CTNNA3: variants seen among roughly 807,000 people sequenced by gnomAD.
CTNNA3 encodes the protein catenin alpha 3.
Under a neutral mutation model 95.7 loss-of-function variants are expected in CTNNA3, and 76 were observed. The ratio of observed to expected loss-of-function variants is 0.79; its 90% confidence interval spans 0.66 to 0.96. The LOEUF (loss-of-function observed/expected upper bound fraction) is 0.96, where lower values mean the gene tolerates loss of function less well. Among genes scored for constraint, CTNNA3 ranks in the 40% least tolerant of loss-of-function variants. CTNNA3 has a pLI of 0.00. For missense variants in CTNNA3, 1,191 were observed against 1,089.8 expected (o/e 1.09, Z -1.31); for synonymous variants, 431 against 374.4 (o/e 1.15, Z -1.74).
chr10:67,031,237 G>A (rs543741704), intron 7 of CTNNA3, among the ~76,000 whole-genome samples: 1 of 152,028 alleles, frequency 6.6e-6, no homozygotes, highest in Non-Finnish European at 1.5e-5. Flanking sequence ...ATTTGTCTAG[G>A]TCCTTTCCTA....
chr10:66,165,310 G>T (rs1360009739), intron 13 of CTNNA3, among the ~76,000 whole-genome samples: 1 of 152,024 alleles, frequency 6.6e-6, no homozygotes, highest in Non-Finnish European at 1.5e-5. Context: ...GAGTGAAGGG[G>T]GTGGAGGAAG....
intron 5 of CTNNA3, among the ~76,000 whole-genome samples, chr10:67,349,909 C>A (rs1842568979): frequency 6.6e-6 from 1 of 151,986 alleles, no homozygotes; most frequent in Non-Finnish European, 1.5e-5. Context: ...TAAGTGGGAA[C>A]CCCTACACAG....
chr10:66,513,542 G>A (rs1233924381), intron 11 of CTNNA3, among the ~76,000 whole-genome samples: 1 of 152,202 alleles, frequency 6.6e-6, no homozygotes, highest in East Asian at 1.9e-4. Flanking sequence ...AGGATCCTGG[G>A]TGGTACACAA....
chr10:67,221,196 T>G (rs1306000474), intron 5 of CTNNA3, among the ~76,000 whole-genome samples: 1 of 152,154 alleles, frequency 6.6e-6, no homozygotes, highest in African/African-American at 2.4e-5. Flanking sequence ...TAGTGGCAAA[T>G]GTAAGATACA....
intron 7 of CTNNA3, among the ~76,000 whole-genome samples, chr10:66,817,999 C>T (rs1049471495): frequency 6.6e-6 from 1 of 151,586 alleles, no homozygotes; most frequent in Non-Finnish European, 1.5e-5. Context: ...GAAACTCAAT[C>T]GATCCCATAA....
rs138572023 is a variant in CTNNA3, at chr10:67,197,220, C to T, written c.844-16700G>A. On this transcript the variant is annotated intron_variant, in intron 6 of 17. Transcript: ENST00000433211. ...ACATTTGAATAGTTCCTGTCATTTC[C>T]GAGGTTTATGTCAATTGTTATTCCT... Among the ~76,000 whole-genome samples the T allele has an allele frequency of 1.6e-3, 241 of 152,020 alleles. 3 individuals are homozygous for T. The highest frequency in any genetic ancestry group is 5.6e-3 in the African/African-American group (232 of 41,478).
At chr10:67,099,475 T>C (rs1375181118) in intron 7 of CTNNA3, 4 of 152,104 alleles carry the variant, frequency 2.6e-5, no homozygotes, top group East Asian at 3.9e-4. Context: ...AAAGAATAAC[T>C]GAAAACAATG....
intron 7 of CTNNA3, among the ~76,000 whole-genome samples, chr10:66,790,371 G>A (rs569466943): frequency 4.6e-5 from 7 of 151,972 alleles, no homozygotes; most frequent in Admixed American, 3.3e-4. Context: ...ATCGCTTGAG[G>A]CAGAGGTTGC....
At chr10:66,453,983 C>T (rs1251846215) in intron 11 of CTNNA3, among the ~76,000 whole-genome samples, 1 of 152,066 alleles carries the variant, frequency 6.6e-6, no homozygotes. Context: ...GGGAGCTTAT[C>T]CTGAATTATC....
chr10:67,025,607 CT>C (rs1427048416), intron 7 of CTNNA3, among the ~76,000 whole-genome samples: 8 of 152,116 alleles, frequency 5.3e-5, no homozygotes, highest in Admixed American at 3.3e-4. Context: ...TCTTTAACCC[CT>C]GGAGGAAGAA....
At chr10:67,386,564 G>C (rs1205591499) in intron 5 of CTNNA3, among the ~76,000 whole-genome samples, 1 of 152,104 alleles carries the variant, frequency 6.6e-6, no homozygotes, top group African/African-American at 2.4e-5. Context: ...CAGAAAAAAA[G>C]ACTGACAATA....
intron 1 of CTNNA3, among the ~76,000 whole-genome samples, chr10:67,652,551 G>A (rs1340970480): frequency 6.6e-6 from 1 of 151,980 alleles, no homozygotes; most frequent in Non-Finnish European, 1.5e-5. Context: ...AATGTATATA[G>A]TGAAACCAAG....
chr10:67,067,037 T>C (rs1856134760), intron 7 of CTNNA3, among the ~76,000 whole-genome samples: 1 of 152,148 alleles, frequency 6.6e-6, no homozygotes, highest in Non-Finnish European at 1.5e-5. Context: ...ATCTCAGATT[T>C]AAAAGTGGCA....
At chr10:66,199,805 A>ATTTTTTTTT (rs1226520776) in intron 13 of CTNNA3, among the ~76,000 whole-genome samples, 1 of 14,280 alleles carries the variant, frequency 7.0e-5, no homozygotes, top group East Asian at 2.4e-3. Flanking sequence ...ATATATATAT[A>ATTTTTTTTT]TTTTTTTTTT....
chr10:66,378,501 T>C (rs1410049460), intron 12 of CTNNA3, among the ~76,000 whole-genome samples: 2 of 152,194 alleles, frequency 1.3e-5, no homozygotes, highest in African/African-American at 4.8e-5. Context: ...TGAATCCATA[T>C]GAATTCAGAC....
chr10:66,267,995 T>G (rs2091194772), intron 13 of CTNNA3, among the ~76,000 whole-genome samples: 1 of 152,138 alleles, frequency 6.6e-6, no homozygotes, highest in Admixed American at 6.6e-5. Flanking sequence ...CTCTTTGGAT[T>G]GGTTTATTTT....
intron 10 of CTNNA3, among the ~76,000 whole-genome samples, chr10:66,584,828 A>T (rs886252430): frequency 1.3e-5 from 2 of 152,020 alleles, no homozygotes; most frequent in Non-Finnish European, 2.9e-5. Flanking sequence ...AGTAACAACA[A>T]CTTGTTTCAA....
intron 1 of CTNNA3, among the ~76,000 whole-genome samples, chr10:67,725,457 G>A (rs966920308): frequency 1.3e-5 from 2 of 152,116 alleles, no homozygotes; most frequent in African/African-American, 4.8e-5. Context: ...GATTAAAGGG[G>A]TGAGCCACTG....
At chr10:67,323,009 T>C (rs898194827) in intron 5 of CTNNA3, among the ~76,000 whole-genome samples, 4 of 152,248 alleles carry the variant, frequency 2.6e-5, no homozygotes, top group East Asian at 3.8e-4. Context: ...CTTGGCCACA[T>C]GTATGTCTTA....
Sources: gnomAD v4.1 joint callset for allele counts (sites outside exome capture counted in the v4.1 genomes callset) on GRCh38, gnomAD v4.1.1 for gene constraint, MANE v1.5 for transcripts, NCBI Gene and HGNC (gene_info 2026-07-23, HGNC 2026-07-21) for gene names.